The following HLCS variants were observed in gnomAD, a reference collection of about 807,000 sequenced individuals.
HLCS encodes holocarboxylase synthetase.
HLCS carries 53 observed loss-of-function variants against 75.0 expected under a neutral mutation model. The ratio of observed to expected loss-of-function variants is 0.71; its 90% CI spans 0.57 to 0.89. HLCS has a LOEUF of 0.89. HLCS is among the 40% of genes least tolerant of loss of function. The probability of loss-of-function intolerance (pLI) is 0.00; values close to 1 mark genes in which losing one functional copy is unlikely to be tolerated. For missense variants in HLCS, 966 were observed against 1,074.0 expected, an observed-to-expected ratio of 0.90 and a Z score of 1.41; for synonymous variants, 431 against 428.6, an observed-to-expected ratio of 1.01 and a Z score of -0.07.
At chr21:36,934,046 G>A (rs1188164398) in intron 4 of HLCS, among the ~76,000 whole-genome samples, 1 of 152,120 alleles carries the variant, frequency 6.6e-6, no homozygotes, top group African/African-American at 2.4e-5. Context: ...GCCACCTCTG[G>A]TTCTACGCTC....
intron 4 of HLCS, among the ~76,000 whole-genome samples, chr21:36,935,517 C>T (rs1309492366): frequency 6.6e-6 from 1 of 152,176 alleles, no homozygotes; most frequent in Non-Finnish European, 1.5e-5. Flanking sequence ...AAACAATTCT[C>T]TATCTCAATA....
intron 6 of HLCS, among the ~76,000 whole-genome samples, chr21:36,784,311 CTTTTTTTTT>C (rs34045793): frequency 1.5e-5 from 2 of 130,658 alleles, no homozygotes; most frequent in South Asian, 5.1e-4. Flanking sequence ...AATACCACCT[CTTTTTTTTT>C]TTTTTTTTTT....
At chr21:36,814,277 C>A (rs2061595524) in intron 6 of HLCS, among the ~76,000 whole-genome samples, 1 of 152,194 alleles carries the variant, frequency 6.6e-6, no homozygotes, top group Non-Finnish European at 1.5e-5. Context: ...CCTCCAAAAT[C>A]ATTTGTATAC....
At chr21:36,915,184 A>T (rs1203589289) in intron 5 of HLCS, among the ~76,000 whole-genome samples, 2 of 152,214 alleles carry the variant, frequency 1.3e-5, no homozygotes, top group Non-Finnish European at 2.9e-5. Flanking sequence ...TGCCACCATC[A>T]GCTGTGAGGC....
chr21:36,804,573 G>A (rs1322933165), intron 6 of HLCS, among the ~76,000 whole-genome samples: 1 of 152,166 alleles, frequency 6.6e-6, no homozygotes, highest in African/African-American at 2.4e-5. Flanking sequence ...AACACCTGGA[G>A]TGTCTCATGA....
intron 5 of HLCS, 37 bp from the exon 6 acceptor site, chr21:36,897,168 T>G (rs2065048649): frequency 6.2e-7 from 1 of 1,612,074 alleles, no homozygotes. Flanking sequence ...GGTCGTAATT[T>G]GGCATTACAT....
intron 5 of HLCS, among the ~76,000 whole-genome samples, chr21:36,923,479 G>A (rs564674379): frequency 6.6e-6 from 1 of 152,334 alleles, no homozygotes; most frequent in East Asian, 1.9e-4. Flanking sequence ...CTCGGCCTCA[G>A]AGACCTTATC....
rs550489471 is a variant in HLCS at position 36,952,437 on chromosome 21, T to C, written c.330+9599A>G. 2.6e-5 allele frequency among the ~76,000 whole-genome samples: 4 copies of C among 152,254 alleles called. No individual in the cohort carries two copies. The South Asian group carries it at 8.3e-4, about 32-fold the overall frequency. On this transcript the variant is annotated intron_variant, in intron 2 of 10. Coordinates refer to ENST00000674895, the MANE Select transcript of HLCS (RefSeq NM_001352514.2). ...TGTCTCTGATCATAAGTGAAATTAG[T>C]TAACTGGACTGTGGCAATCCTCCTT...
chr21:36,840,720 C>T (rs1267631459), intron 6 of HLCS, among the ~76,000 whole-genome samples: 1 of 152,162 alleles, frequency 6.6e-6, no homozygotes, highest in Middle Eastern at 3.2e-3. Flanking sequence ...TCAAGAGATT[C>T]TGCCGCCTCA....
At chr21:36,854,190 C>A (rs1203155556) in intron 6 of HLCS, among the ~76,000 whole-genome samples, 1 of 152,174 alleles carries the variant, frequency 6.6e-6, no homozygotes, top group Admixed American at 6.5e-5. Context: ...TCACATCCTA[C>A]AATTAAGCTT....
chr21:36,911,997 G>A (rs563099777), intron 5 of HLCS, among the ~76,000 whole-genome samples: 40 of 151,566 alleles, frequency 2.6e-4, no homozygotes, highest in Non-Finnish European at 4.7e-4. Flanking sequence ...CTTGAACCCA[G>A]GAGGCGGAGG....
chr21:36,769,617 T>C (rs1427751149), intron 6 of HLCS, among the ~76,000 whole-genome samples: 3 of 152,256 alleles, frequency 2.0e-5, no homozygotes, highest in Non-Finnish European at 4.4e-5. Flanking sequence ...GTGCATTCAC[T>C]GTGGAACCAA....
chr21:36,944,317 A>T (rs1259140268), intron 2 of HLCS, among the ~76,000 whole-genome samples: 1 of 152,216 alleles, frequency 6.6e-6, no homozygotes, highest in African/African-American at 2.4e-5. Flanking sequence ...TTCCTAGAAC[A>T]GGAGAAACTA....
rs367725468 is a variant in HLCS, at chr21:36,756,646, A to G, written c.2346T>C (p.Tyr782=). ...KAELKPLRAD[Y]LIARVVTVLE... is the part of the protein sequence containing the mutation. ...GCACAGTCACGACTCTGGCGATGAGATAATCGGCTCTTAAGGGCTTCAGTT... is the reference window on the plus strand; with the variant it reads ...GCACAGTCACGACTCTGGCGATGAGGTAATCGGCTCTTAAGGGCTTCAGTT... The change falls in exon 10 of 11, where the codon TAT becomes TAC. Residue 782 remains tyrosine, a synonymous_variant. Transcript: ENST00000674895. 3 of 1,613,948 alleles carry G rather than the reference A, an allele frequency of 1.9e-6. No individual in the cohort carries two copies. Among genetic ancestry groups the G allele is most frequent in the Non-Finnish European group, 2.5e-6 (3 of 1,180,030 alleles).
intron 6 of HLCS, among the ~76,000 whole-genome samples, chr21:36,791,116 G>A (rs945221778): frequency 6.6e-6 from 1 of 152,134 alleles, no homozygotes; most frequent in South Asian, 2.1e-4. Context: ...CAACATATAG[G>A]CTTGTCCAAA....
intron 6 of HLCS, among the ~76,000 whole-genome samples, chr21:36,819,121 C>T (rs191464464): frequency 6.6e-6 from 1 of 152,294 alleles, no homozygotes; most frequent in East Asian, 1.9e-4. Flanking sequence ...CAGAAGCACA[C>T]CTAGAAACTG....
chr21:36,825,267 G>T (rs1467801487), intron 6 of HLCS, among the ~76,000 whole-genome samples: 1 of 151,988 alleles, frequency 6.6e-6, no homozygotes, highest in East Asian at 1.9e-4. Flanking sequence ...ATGTGTCTCT[G>T]GTCCTGGCTA....
chr21:36,963,322 G>A (rs371610416), intron 1 of HLCS, among the ~76,000 whole-genome samples: 3 of 152,132 alleles, frequency 2.0e-5, no homozygotes, highest in South Asian at 2.1e-4. Context: ...CACCCAGAAC[G>A]AAGGTAACTA....
chr21:36,878,610 A>C (rs1405733282), intron 6 of HLCS, among the ~76,000 whole-genome samples: 1 of 152,152 alleles, frequency 6.6e-6, no homozygotes, highest in Non-Finnish European at 1.5e-5. Context: ...AGAGGAACAA[A>C]AAAGTAACTT....
Sources: allele counts gnomAD v4.1 joint callset (sites outside exome capture counted in the v4.1 genomes callset), GRCh38; gene constraint gnomAD v4.1.1; transcripts MANE v1.5; gene names NCBI Gene and HGNC (gene_info 2026-07-23, HGNC 2026-07-21).